Variants in DOCK10 observed in about 807,000 individuals in gnomAD.
DOCK10 encodes the protein dedicator of cytokinesis 10.
DOCK10 carries 145 observed loss-of-function variants against 280.1 expected under a neutral mutation model. The ratio of observed to expected loss-of-function variants is 0.52; its 90% confidence interval spans 0.45 to 0.59. The LOEUF is 0.59. Ranked by LOEUF, DOCK10 falls within the 20% of genes least tolerant of loss-of-function variation. The probability of loss-of-function intolerance (pLI) is 0.00; values close to 1 mark genes in which losing one functional copy is unlikely to be tolerated. For missense variants in DOCK10, 2,368 were observed against 2,651.7 expected (o/e 0.89, Z 2.35); for synonymous variants, 915 against 942.2 (o/e 0.97, Z 0.53).
chr2:224,857,090 A>G, intron 14 of DOCK10, 108 bp from the exon 15 acceptor site: 1 of 937,440 alleles, frequency 1.1e-6, no homozygotes, highest in Non-Finnish European at 1.4e-6. Context: ...GAGAAACTCT[A>G]AGAACTTATA....
chr2:224,852,719 T>C (rs992715868), intron 17 of DOCK10, among the ~76,000 whole-genome samples: 3 of 152,218 alleles, frequency 2.0e-5, no homozygotes, highest in African/African-American at 4.8e-5. Flanking sequence ...TATTTAAGAC[T>C]GATTTAGAAA....
intron 1 of DOCK10, among the ~76,000 whole-genome samples, chr2:225,023,683 T>C (rs898116514): frequency 3.3e-5 from 5 of 152,074 alleles, no homozygotes; most frequent in Non-Finnish European, 7.4e-5. Context: ...CCTAGAAAAG[T>C]CCATGCACCT....
At chr2:224,865,966 C>G (rs1348926187) in intron 11 of DOCK10, among the ~76,000 whole-genome samples, 1 of 151,978 alleles carries the variant, frequency 6.6e-6, no homozygotes, top group Non-Finnish European at 1.5e-5. Flanking sequence ...GAGCAAGTTT[C>G]CCATATTATT....
At chr2:225,006,485 T>C (rs1689255679) in intron 1 of DOCK10, among the ~76,000 whole-genome samples, 1 of 152,228 alleles carries the variant, frequency 6.6e-6, no homozygotes, top group African/African-American at 2.4e-5. Flanking sequence ...CTGCCACTTT[T>C]TGCACTTAGA....
chr2:224,912,193 T>C (rs1310493147), intron 3 of DOCK10, among the ~76,000 whole-genome samples: 1 of 151,862 alleles, frequency 6.6e-6, no homozygotes, highest in African/African-American at 2.4e-5. Flanking sequence ...CAGGCTGGAA[T>C]GACGCGATCT....
At chr2:224,814,405 A>G (rs1351984874) in intron 30 of DOCK10, 41 bp from the exon 31 acceptor site, 3 of 1,110,832 alleles carry the variant, frequency 2.7e-6, no homozygotes, top group African/African-American at 3.2e-5. Flanking sequence ...ATATACATAT[A>G]CATACTCAGA....
intron 1 of DOCK10, among the ~76,000 whole-genome samples, chr2:224,934,785 A>G (rs1164696790): frequency 6.6e-6 from 1 of 152,190 alleles, no homozygotes; most frequent in Non-Finnish European, 1.5e-5. Flanking sequence ...AAATGCACCA[A>G]CGGGGATAAG....
chr2:225,032,376 C>T (rs1240784111), intron 1 of DOCK10, among the ~76,000 whole-genome samples: 1 of 152,124 alleles, frequency 6.6e-6, no homozygotes, highest in African/African-American at 2.4e-5. Flanking sequence ...AATGAACTTT[C>T]CCTGTTAGCA....
chr2:224,853,889 T>A (rs568077113), intron 16 of DOCK10, among the ~76,000 whole-genome samples: 2 of 152,322 alleles, frequency 1.3e-5, no homozygotes, highest in South Asian at 4.1e-4. Flanking sequence ...TGTTTTCTTT[T>A]TTCAAAAACC....
chr2:224,983,695 G>A, intron 1 of DOCK10: 2 of 464,548 alleles, frequency 4.3e-6, no homozygotes, highest in South Asian at 3.1e-5. Context: ...ACACAGCATC[G>A]TTTTAATTGG....
At chr2:224,825,706 G>A (rs536645850) in intron 27 of DOCK10, among the ~76,000 whole-genome samples, 66 of 152,138 alleles carry the variant, frequency 4.3e-4, no homozygotes, top group Non-Finnish European at 7.8e-4. Flanking sequence ...AAAGATGTCT[G>A]CCTAATAAAT....
chr2:224,965,237 A>G (rs1166350210), intron 1 of DOCK10, among the ~76,000 whole-genome samples: 1 of 152,210 alleles, frequency 6.6e-6, no homozygotes, highest in Non-Finnish European at 1.5e-5. Flanking sequence ...TAGTGTGTGC[A>G]AAGTTCAAGG....
At chr2:224,839,508 A>C (rs541778352) in intron 24 of DOCK10, among the ~76,000 whole-genome samples, 3 of 152,224 alleles carry the variant, frequency 2.0e-5, no homozygotes, top group Non-Finnish European at 2.9e-5. Flanking sequence ...ACATCGTGGA[A>C]TACTACTCTG....
At chr2:224,995,708 T>C (rs1706252277) in intron 1 of DOCK10, among the ~76,000 whole-genome samples, 1 of 151,932 alleles carries the variant, frequency 6.6e-6, no homozygotes, top group Admixed American at 6.5e-5. Context: ...CATGGTTAAT[T>C]GTGCAAATCT....
intron 31 of DOCK10, among the ~76,000 whole-genome samples, chr2:224,808,467 A>T (rs781366779): frequency 6.6e-5 from 10 of 152,118 alleles, no homozygotes; most frequent in Admixed American, 3.9e-4. Flanking sequence ...GGAGGTGCAG[A>T]TCTTTGTGGG....
intron 7 of DOCK10, among the ~76,000 whole-genome samples, chr2:224,881,306 C>T (rs747330426): frequency 6.6e-6 from 1 of 152,092 alleles, no homozygotes; most frequent in Non-Finnish European, 1.5e-5. Context: ...TTTTTGAAGA[C>T]ATGAGCCACA....
At chr2:224,776,774 C>T (rs1185561360) in intron 51 of DOCK10, among the ~76,000 whole-genome samples, 1 of 152,178 alleles carries the variant, frequency 6.6e-6, no homozygotes, top group African/African-American at 2.4e-5. Flanking sequence ...ACATATCTCC[C>T]TCTTTCATTC....
At chr2:224,905,616 G>C (rs184816231) in intron 3 of DOCK10, among the ~76,000 whole-genome samples, 191 of 152,252 alleles carry the variant, frequency 1.3e-3, no homozygotes, top group Non-Finnish European at 2.5e-3. Context: ...ATTTTTATTG[G>C]GTTTATTCCT....
At chr2:224,995,379 A>G (rs1020704212) in intron 1 of DOCK10, among the ~76,000 whole-genome samples, 6 of 152,200 alleles carry the variant, frequency 3.9e-5, no homozygotes, top group Non-Finnish European at 8.8e-5. Context: ...CACACAAATT[A>G]TATGTATAAG....
Sources: allele counts gnomAD v4.1 joint callset (sites outside exome capture counted in the v4.1 genomes callset), GRCh38; gene constraint gnomAD v4.1.1; transcripts MANE v1.5; gene names NCBI Gene and HGNC (gene_info 2026-07-23, HGNC 2026-07-21).